Variants in BET1 observed in about 807,000 individuals in gnomAD.
BET1 encodes BET1 homolog.
A neutral mutation model predicts 13.9 loss-of-function variants in BET1; 9 were observed. The observed-to-expected ratio is 0.65, with a 90% CI of 0.39 to 1.13. The LOEUF (loss-of-function observed/expected upper bound fraction) is 1.13. Among genes scored for constraint, BET1 ranks in the 50% most tolerant of loss-of-function variants. The pLI, the probability that BET1 is intolerant of heterozygous loss-of-function variation, is 0.01. For synonymous variants in BET1, 39 were observed against 47.3 expected, an observed-to-expected ratio of 0.82 and a Z score of 0.72; for missense variants, 127 against 133.6, an observed-to-expected ratio of 0.95 and a Z score of 0.24.
rs1457379512 is a variant in BET1 at position 93,974,647 on chromosome 7, T to C, written c.*48+1257A>G. 3.3e-5 allele frequency among the ~76,000 whole-genome samples: 5 copies of C among 151,924 alleles called. No individual in the cohort carries two copies. The East Asian group carries it at 9.7e-4, about 29-fold the overall frequency. ...ATAAGTATTTGAGTAGATACATAAA[T>C]GTAGGAGAAGAGGCAGCTCTTCTTT... On this transcript the variant is annotated intron_variant and NMD_transcript_variant, in intron 5 of 6. Transcript: ENST00000357520.
At chr7:93,964,450 C>CT (rs1302235939) in exon 7 of BET1, 1 of 152,024 alleles carries the variant, frequency 6.6e-6, no homozygotes, top group East Asian at 1.9e-4. Context: ...TGATTTCATT[C>CT]TTTTTTATGG....
intron 5 of BET1, among the ~76,000 whole-genome samples, chr7:93,974,863 T>A (rs528537525): frequency 6.6e-6 from 1 of 152,122 alleles, no homozygotes; most frequent in East Asian, 1.9e-4. Context: ...TAGAGAAAAC[T>A]GGGAGACACC....
intron 4 of BET1, among the ~76,000 whole-genome samples, chr7:93,984,756 A>G (rs1210807884): frequency 7.2e-5 from 11 of 152,202 alleles, no homozygotes; most frequent in Admixed American, 7.2e-4. Flanking sequence ...TGATTTAAAA[A>G]AAAGTCTTCA....
At chr7:93,978,503 C>A (rs1795376094) in intron 4 of BET1, among the ~76,000 whole-genome samples, 1 of 152,158 alleles carries the variant, frequency 6.6e-6, no homozygotes, top group South Asian at 2.1e-4. Context: ...TGATGCATTT[C>A]TCATTACATT....
chr7:93,988,621 A>G (rs188506570), downstream of BET1, among the ~76,000 whole-genome samples: 95 of 152,330 alleles, frequency 6.2e-4, no homozygotes, highest in Non-Finnish European at 1.0e-3. Context: ...ATTACTAGAA[A>G]CAAGAGCAAA....
downstream of BET1, among the ~76,000 whole-genome samples, chr7:93,988,840 A>G (rs1232304370): frequency 6.6e-6 from 1 of 151,420 alleles, no homozygotes; most frequent in East Asian, 1.9e-4. Context: ...CATTTTTGCC[A>G]ACACACATTT....
downstream of BET1, chr7:93,993,120 C>T (rs1795674678): frequency 1.0e-6 from 1 of 982,810 alleles, no homozygotes; most frequent in Non-Finnish European, 1.2e-6. Flanking sequence ...TCAAGATTTG[C>T]TTATTTGTTT....
downstream of BET1, among the ~76,000 whole-genome samples, chr7:93,989,003 A>G (rs1021824899): frequency 3.4e-5 from 5 of 148,732 alleles, no homozygotes; most frequent in African/African-American, 9.8e-5. Flanking sequence ...ATATATATAT[A>G]TATACTGTTG....
At position 93,975,876 on chromosome 7, in the gene BET1, C is replaced by T. The variant is rs143196635; in HGVS notation, c.*48+28G>A. 3.8e-4 allele frequency: 392 copies of T among 1,032,186 alleles called. 3 individuals carry two copies. The African/African-American group carries it at 5.9e-3, about 16-fold the overall frequency. 63.9% of individuals were successfully genotyped at this position (1,032,186 alleles called of 1,614,324 possible). On this transcript the variant is annotated intron_variant and NMD_transcript_variant, in intron 5 of 6. Coordinates refer to the BET1 transcript ENST00000357520. ...TTTTAATTTTCAAAATATTATGAGA[C>T]TATCAAATGTACTTGTTAAAAACTT... is the stretch of plus-strand genomic sequence containing the variant.
downstream of BET1, among the ~76,000 whole-genome samples, chr7:93,988,985 T>C (rs545439492): frequency 2.0e-5 from 3 of 147,960 alleles, no homozygotes; most frequent in East Asian, 5.9e-4. Context: ...GATATATAAA[T>C]ATATAAAATA....
intron 6 of BET1, chr7:93,965,709 T>C (rs1048213835): frequency 1.9e-4 from 29 of 152,058 alleles, no homozygotes; most frequent in African/African-American, 6.3e-4. Flanking sequence ...ACAAGATTTA[T>C]GAAAGTATAA....
chr7:93,968,006 T>A (rs368990029), intron 6 of BET1, among the ~76,000 whole-genome samples: 11 of 151,798 alleles, frequency 7.2e-5, no homozygotes, highest in Non-Finnish European at 1.6e-4. Context: ...CATCCCATTT[T>A]ATCCTTCCAT....
intron 6 of BET1, among the ~76,000 whole-genome samples, chr7:93,966,561 A>C (rs1316761719): frequency 6.6e-6 from 1 of 151,202 alleles, no homozygotes; most frequent in East Asian, 1.9e-4. Context: ...AATTCTAGCC[A>C]ATGTCACTTG....
chr7:93,994,416 C>G, intron 3 of BET1, 31 bp from the exon 4 acceptor site: 1 of 1,594,888 alleles, frequency 6.3e-7, no homozygotes, highest in Non-Finnish European at 8.6e-7. Context: ...TAAAATATCA[C>G]AGTTAGATTC....
At chr7:93,984,614 A>G (rs1278377936) in intron 4 of BET1, among the ~76,000 whole-genome samples, 1 of 152,190 alleles carries the variant, frequency 6.6e-6, no homozygotes, top group Non-Finnish European at 1.5e-5. Context: ...GCAAAACAGC[A>G]CTGATTAGCT....
chr7:93,976,097 TC>T, exon 5 of BET1: 1 of 1,229,746 alleles, frequency 8.1e-7, no homozygotes, highest in South Asian at 1.4e-5. Context: ...ACCTGAAGGA[TC>T]CACTGTAAAA....
downstream of BET1, chr7:93,992,421 T>G: frequency 1.0e-6 from 1 of 985,440 alleles, no homozygotes; most frequent in Non-Finnish European, 1.2e-6. Context: ...ACTTCCATTG[T>G]TGATTCTCCT....
intron 3 of BET1, 75 bp from the exon 4 acceptor site, chr7:93,994,460 A>G (rs1795717886): frequency 2.1e-6 from 3 of 1,409,082 alleles, no homozygotes; most frequent in African/African-American, 1.4e-5. Flanking sequence ...AAGTAATTGA[A>G]TAACTGTTAC....
chr7:93,981,515 A>G (rs750239967), intron 4 of BET1, among the ~76,000 whole-genome samples: 49 of 152,186 alleles, frequency 3.2e-4, no homozygotes, highest in Non-Finnish European at 5.7e-4. Context: ...AAATTTGGGG[A>G]AAACAGCAGC....
Sources: gnomAD v4.1 joint callset for allele counts (sites outside exome capture counted in the v4.1 genomes callset) on GRCh38, gnomAD v4.1.1 for gene constraint, MANE v1.5 for transcripts, NCBI Gene and HGNC (gene_info 2026-07-23, HGNC 2026-07-21) for gene names.